The following WDR5 variants were observed in gnomAD, a reference collection of about 807,000 sequenced individuals.
WDR5 encodes the protein WD repeat-containing protein 5.
For synonymous variants in WDR5, 144 were observed against 161.6 expected (o/e 0.89, Z 0.83); for missense variants, 187 against 416.9 (o/e 0.45, Z 4.80).
At chr9:134,148,213 AGATCAGG>A in intron 7 of WDR5, 68 bp from the exon 8 acceptor site, 1 of 231,556 alleles carries the variant, frequency 4.3e-6, no homozygotes, top group Non-Finnish European at 7.9e-6. Flanking sequence ...TTTTTTTTTG[AGATCAGG>A]TAAGAAGCAG....
chr9:134,137,667 C>CAAAAA lies in WDR5; in HGVS notation c.-59+1473_-59+1477dup, dbSNP rs139470012. On this transcript the variant is annotated intron_variant, in intron 1 of 13. Transcript: ENST00000358625. The stretch of plus-strand genomic sequence containing the variant: ...CACCTGGACTCTTTGGACTGTGTCT[C>CAAAAA]AAAAAAAAAACAAAAACAAAAAAAA... 6.4e-4 allele frequency among the ~76,000 whole-genome samples: 60 copies of CAAAAA among 93,370 alleles called. 1 individual carries two copies. Among genetic ancestry groups the CAAAAA allele is most frequent in the Non-Finnish European group, 9.1e-4 (44 of 48,458 alleles). 61.3% of individuals were successfully genotyped at this position (93,370 alleles called of 152,430 possible). A position where few individuals can be genotyped will look rare whatever the true frequency, so the allele number is the denominator to read the frequency against.
chr9:134,154,331 T>C, intron 9 of WDR5, 135 bp from the exon 10 acceptor site: 1 of 865,006 alleles, frequency 1.2e-6, no homozygotes, highest in Non-Finnish European at 1.9e-6. Flanking sequence ...CGGCGAGGGG[T>C]GGTGGTGCTG....
chr9:134,146,787 T>G (rs1832227737), intron 7 of WDR5, among the ~76,000 whole-genome samples: 1 of 152,222 alleles, frequency 6.6e-6, no homozygotes, highest in African/African-American at 2.4e-5. Context: ...AAGAGACTGT[T>G]TTGCACATTT....
intron 1 of WDR5, among the ~76,000 whole-genome samples, 152 bp downstream of exon 1, chr9:134,136,352 C>T (rs1294038318): frequency 1.3e-5 from 2 of 150,788 alleles, no homozygotes; most frequent in Non-Finnish European, 3.0e-5. Flanking sequence ...AGCGGCCCCG[C>T]CCGGGACCCC....
intron 7 of WDR5, among the ~76,000 whole-genome samples, chr9:134,143,601 A>G (rs1344581973): frequency 6.7e-6 from 1 of 149,814 alleles, no homozygotes; most frequent in East Asian, 2.0e-4. Context: ...ATCTCGGCTC[A>G]CTGCAAGCTC....
chr9:134,139,235 GAGCT>G (rs1299853385), intron 1 of WDR5, among the ~76,000 whole-genome samples: 1 of 152,150 alleles, frequency 6.6e-6, no homozygotes, highest in Non-Finnish European at 1.5e-5. Context: ...CGAGCCCTGT[GAGCT>G]GTTAGCATGC....
chr9:134,148,907 G>A (rs1483809313), intron 8 of WDR5, among the ~76,000 whole-genome samples: 1 of 152,228 alleles, frequency 6.6e-6, no homozygotes, highest in East Asian at 1.9e-4. Context: ...AAGTGGAGAA[G>A]TAGAGGTTAA....
intron 7 of WDR5, among the ~76,000 whole-genome samples, chr9:134,145,341 C>T (rs149264564): frequency 0.011 from 1,629 of 152,238 alleles, 17 homozygotes; most frequent in Non-Finnish European, 0.016. Context: ...TCAAGTGATC[C>T]GCCCGCCTGG....
intron 7 of WDR5, among the ~76,000 whole-genome samples, chr9:134,146,499 A>T (rs1832209553): frequency 6.6e-6 from 1 of 152,152 alleles, no homozygotes; most frequent in East Asian, 1.9e-4. Context: ...ATTTCCTAAA[A>T]TGCTGGGATT....
Position 134,141,499 on chromosome 9 carries a change from T to C in WDR5, c.191-11T>C. On this transcript the variant is annotated splice_polypyrimidine_tract_variant and intron_variant, in intron 3 of 13. Coordinates refer to ENST00000358625, the MANE Select transcript of WDR5 (RefSeq NM_017588.3). ...CTGCTCTTAGCCTCAGATCCTTTTG[T>C]TTTCTTTCAGCTGCTGATAAACTTA... 1 of 1,613,922 alleles carries C rather than the reference T, an allele frequency of 6.2e-7. No homozygotes were observed.
Position 134,136,087 on chromosome 9 carries a change from C to T in WDR5, c.-172C>T, listed in dbSNP as rs1831528966. 6.7e-6 allele frequency: 1 copy of T among 149,568 alleles called. No homozygotes were observed. The highest frequency in any genetic ancestry group is 6.6e-5 in the Admixed American group (1 of 15,080). 9.3% of individuals were successfully genotyped at this position (149,568 alleles called of 1,614,324 possible). The stretch of plus-strand genomic sequence containing the variant: ...CCCTCGCGCACGCGCACTGCGCCCC[C>T]GCCGCCTGGCGCCCGCCCGAGCTGC... On this transcript the variant is annotated 5_prime_UTR_variant, in exon 1 of 14. Transcript: ENST00000358625.
At chr9:134,145,895 C>G (rs1832166981) in intron 7 of WDR5, among the ~76,000 whole-genome samples, 1 of 152,146 alleles carries the variant, frequency 6.6e-6, no homozygotes, top group African/African-American at 2.4e-5. Flanking sequence ...CTTGCCATCC[C>G]CTGCTGGGTT....
Position 134,145,096 on chromosome 9 carries a change from G to GTTTTTTTTTTTTTTTTTTTTT in WDR5, c.528+2397_528+2398insTTTTTTTTTTTTTTTTTTTTT, listed in dbSNP as rs56864188. Among the ~76,000 whole-genome samples, 7 of 104,664 alleles carry GTTTTTTTTTTTTTTTTTTTTT rather than the reference G, an allele frequency of 6.7e-5. 1 individual carries two copies. The highest frequency in any genetic ancestry group is 2.4e-4 in the African/African-American group (7 of 29,112). The allele number at this position is 104,664 out of a possible 152,430, so 68.7% of individuals were successfully genotyped here. On this transcript the variant is annotated intron_variant, in intron 7 of 13. Coordinates refer to ENST00000358625, the MANE Select transcript of WDR5 (RefSeq NM_017588.3). ...ACTGCAGAGAGGTTTGTGGGGCTTT[G>GTTTTTTTTTTTTTTTTTTTTT]TTTTTTTTTTTTTTTTTTTTGAAAC... is the stretch of plus-strand genomic sequence containing the variant.
intron 2 of WDR5, 101 bp from the exon 3 acceptor site, chr9:134,140,602 A>G (rs1831834438): frequency 1.1e-5 from 11 of 973,036 alleles, no homozygotes; most frequent in Non-Finnish European, 1.7e-5. Flanking sequence ...TGGAGCTCTA[A>G]AGATCTGAGC....
intron 10 of WDR5, 78 bp from the exon 11 acceptor site, chr9:134,155,262 G>A (rs888960782): frequency 8.9e-6 from 13 of 1,455,442 alleles, no homozygotes; most frequent in African/African-American, 4.4e-5. Context: ...TGGCTGTGAC[G>A]TAGTGGCTGC....
chr9:134,155,177 T>C (rs118110619), intron 10 of WDR5, among the ~76,000 whole-genome samples, 163 bp from the exon 11 acceptor site: 8,012 of 152,340 alleles, frequency 0.053, 276 homozygotes, highest in Non-Finnish European at 0.071. Context: ...CACTGGACTT[T>C]GAGCCTGAGG....
At chr9:134,156,158 C>G (rs937785305) in intron 12 of WDR5, among the ~76,000 whole-genome samples, 3 of 152,272 alleles carry the variant, frequency 2.0e-5, no homozygotes, top group African/African-American at 4.8e-5. Flanking sequence ...TCTCGATGCT[C>G]CTGTCTTAGA....
At chr9:134,151,209 C>T (rs1221004235) in intron 8 of WDR5, among the ~76,000 whole-genome samples, 1 of 152,066 alleles carries the variant, frequency 6.6e-6, no homozygotes, top group Non-Finnish European at 1.5e-5. Context: ...TGTCTGAGGT[C>T]CAGTGTGGTC....
chr9:134,140,032 T>C, intron 2 of WDR5, 74 bp downstream of exon 2: 1 of 1,535,818 alleles, frequency 6.5e-7, no homozygotes, highest in Non-Finnish European at 9.0e-7. Flanking sequence ...CATCTCAAGC[T>C]CATAAGCCTA....
Sources: allele counts gnomAD v4.1 joint callset (sites outside exome capture counted in the v4.1 genomes callset), GRCh38; gene constraint gnomAD v4.1.1; transcripts MANE v1.5; gene names NCBI Gene and HGNC (gene_info 2026-07-23, HGNC 2026-07-21).